RSRC1: variants seen among roughly 807,000 people sequenced by gnomAD.
RSRC1 encodes arginine and serine rich coiled-coil 1.
RSRC1 carries 39 observed loss-of-function variants against 49.1 expected under a neutral mutation model. The observed-to-expected ratio is 0.79, with a 90% CI of 0.61 to 1.04. The LOEUF (loss-of-function observed/expected upper bound fraction) is 1.04. Among genes scored for constraint, RSRC1 ranks in the 50% least tolerant of loss-of-function variants. The pLI is 0.00. For synonymous variants in RSRC1, 143 were observed against 130.8 expected (o/e 1.09, Z -0.63); for missense variants, 388 against 402.4 (o/e 0.96, Z 0.31).
At chr3:158,398,751 TTTA>T (rs1241485290) in intron 6 of RSRC1, among the ~76,000 whole-genome samples, 1 of 152,156 alleles carries the variant, frequency 6.6e-6, no homozygotes, top group Non-Finnish European at 1.5e-5. Flanking sequence ...AATTATTTTA[TTTA>T]TTGTCATGAA....
intron 7 of RSRC1, among the ~76,000 whole-genome samples, chr3:158,484,119 G>C (rs1211127467): frequency 6.6e-6 from 1 of 152,088 alleles, no homozygotes; most frequent in Admixed American, 6.6e-5. Context: ...GGGTGATTAA[G>C]TGTTTCCCCT....
At chr3:158,257,114 G>T (rs905977038) in intron 4 of RSRC1, among the ~76,000 whole-genome samples, 4 of 152,020 alleles carry the variant, frequency 2.6e-5, no homozygotes, top group African/African-American at 9.7e-5. Context: ...CCTTCTGCTA[G>T]CTTTTGAATG....
At chr3:158,250,989 C>G (rs1724180745) in intron 4 of RSRC1, among the ~76,000 whole-genome samples, 2 of 152,070 alleles carry the variant, frequency 1.3e-5, no homozygotes, top group Admixed American at 1.3e-4. Flanking sequence ...TTAAGTCTTT[C>G]ATTGATTTTG....
intron 5 of RSRC1, among the ~76,000 whole-genome samples, chr3:158,311,577 A>G (rs980075134): frequency 6.6e-6 from 1 of 151,924 alleles, no homozygotes; most frequent in African/African-American, 2.4e-5. Flanking sequence ...CTTTTCCTCT[A>G]CACACATACT....
chr3:158,420,393 A>G (rs1734976128), intron 6 of RSRC1, among the ~76,000 whole-genome samples: 1 of 151,938 alleles, frequency 6.6e-6, no homozygotes. Context: ...CTAAGTCAGA[A>G]CCCTACAACA....
intron 3 of RSRC1, among the ~76,000 whole-genome samples, chr3:158,182,214 A>G (rs1210379269): frequency 6.6e-6 from 1 of 152,172 alleles, no homozygotes; most frequent in Non-Finnish European, 1.5e-5. Context: ...TTAAGATGAT[A>G]GGAAGAGCCC....
chr3:158,119,813 A>G (rs1715126338), intron 1 of RSRC1, among the ~76,000 whole-genome samples: 1 of 149,404 alleles, frequency 6.7e-6, no homozygotes, highest in Non-Finnish European at 1.5e-5. Context: ...CATGTTGTAT[A>G]TATTTATAAT....
chr3:158,446,905 C>T (rs1460214708), intron 6 of RSRC1, among the ~76,000 whole-genome samples: 1 of 151,866 alleles, frequency 6.6e-6, no homozygotes, highest in African/African-American at 2.4e-5. Flanking sequence ...TAGGGGAAAA[C>T]AAAACTCAAA....
At chr3:158,370,979 A>G (rs1474605321) in intron 6 of RSRC1, among the ~76,000 whole-genome samples, 1 of 151,734 alleles carries the variant, frequency 6.6e-6, no homozygotes, top group Non-Finnish European at 1.5e-5. Flanking sequence ...AATTTTTGCC[A>G]TTTTATTGAG....
At chr3:158,400,013 T>C (rs1578429109) in intron 6 of RSRC1, among the ~76,000 whole-genome samples, 1 of 152,182 alleles carries the variant, frequency 6.6e-6, no homozygotes, top group Non-Finnish European at 1.5e-5. Context: ...ACCTAACTGA[T>C]AGAAACTCAA....
At chr3:158,417,136 A>G (rs890661304) in intron 6 of RSRC1, among the ~76,000 whole-genome samples, 16 of 152,152 alleles carry the variant, frequency 1.1e-4, no homozygotes, top group Middle Eastern at 3.4e-3. Flanking sequence ...TCACTAGTTG[A>G]ACAGTGTACT....
chr3:158,158,494 T>C (rs996778825), intron 3 of RSRC1, among the ~76,000 whole-genome samples: 3 of 152,220 alleles, frequency 2.0e-5, no homozygotes, highest in Admixed American at 2.0e-4. Context: ...CTATCTGCAT[T>C]TCTTCTGCCA....
chr3:158,170,456 C>T (rs914132974), intron 3 of RSRC1, among the ~76,000 whole-genome samples: 1 of 151,992 alleles, frequency 6.6e-6, no homozygotes, highest in Non-Finnish European at 1.5e-5. Context: ...TTGAAAAGAT[C>T]GAATAAATCC....
chr3:158,137,718 A>G (rs1716476228), intron 3 of RSRC1, among the ~76,000 whole-genome samples: 1 of 146,462 alleles, frequency 6.8e-6, no homozygotes, highest in Non-Finnish European at 1.5e-5. Context: ...CAGTGGCACC[A>G]TCTCAGCTCA....
chr3:158,334,485 A>AT (rs11287218), intron 5 of RSRC1, among the ~76,000 whole-genome samples: 16 of 146,192 alleles, frequency 1.1e-4, no homozygotes, highest in South Asian at 2.2e-4. Flanking sequence ...TAACAGGAGA[A>AT]TTTTTTTTTT....
intron 1 of RSRC1, among the ~76,000 whole-genome samples, chr3:158,111,290 T>C (rs1714381453): frequency 6.6e-6 from 1 of 152,212 alleles, no homozygotes; most frequent in Non-Finnish European, 1.5e-5. Context: ...CTAAGTGATA[T>C]AACACTTTAT....
chr3:158,334,097 T>G (rs113161571), intron 5 of RSRC1, among the ~76,000 whole-genome samples: 2 of 152,142 alleles, frequency 1.3e-5, no homozygotes, highest in Non-Finnish European at 2.9e-5. Context: ...GTGCTGATAC[T>G]TAAAATTATG....
intron 4 of RSRC1, among the ~76,000 whole-genome samples, chr3:158,239,343 C>T (rs1337117686): frequency 2.6e-5 from 4 of 152,070 alleles, no homozygotes; most frequent in Admixed American, 6.6e-5. Flanking sequence ...CATTTGACAC[C>T]GCAATTCCAT....
intron 5 of RSRC1, among the ~76,000 whole-genome samples, chr3:158,312,145 A>T (rs531869083): frequency 2.7e-5 from 4 of 147,440 alleles, no homozygotes; most frequent in Non-Finnish European, 5.9e-5. Context: ...AGCACCTATT[A>T]TACTCTAAAA....
Sources: gnomAD v4.1 joint callset for allele counts (sites outside exome capture counted in the v4.1 genomes callset) on GRCh38, gnomAD v4.1.1 for gene constraint, MANE v1.5 for transcripts, NCBI Gene and HGNC (gene_info 2026-07-23, HGNC 2026-07-21) for gene names.